The following SH3KBP1 variants were observed in gnomAD, a reference collection of about 807,000 sequenced individuals.
The protein encoded by SH3KBP1 is SH3 domain containing kinase binding protein 1.
SH3KBP1 carries 8 observed loss-of-function variants against 50.1 expected under a neutral mutation model. The ratio of observed to expected loss-of-function variants is 0.16; its 90% CI spans 0.09 to 0.29. SH3KBP1 has a LOEUF of 0.29. Ranked by LOEUF, SH3KBP1 falls within the 10% of genes least tolerant of loss-of-function variation. The pLI, the probability that SH3KBP1 is intolerant of heterozygous loss-of-function variation, is 1.00. For synonymous variants in SH3KBP1, 227 were observed against 218.6 expected (o/e 1.04, Z -0.34); for missense variants, 377 against 535.2 (o/e 0.70, Z 2.92).
At chrX:19,691,386 T>C (rs1178936749) in intron 5 of SH3KBP1, among the ~76,000 whole-genome samples, 1 of 103,052 alleles carries the variant, frequency 9.7e-6, no homozygotes, top group Non-Finnish European at 2.0e-5. Context: ...TGAGATTATA[T>C]ATATATATAT....
At chrX:19,792,273 C>G (rs1395835036) in intron 2 of SH3KBP1, among the ~76,000 whole-genome samples, 2 of 111,436 alleles carry the variant, frequency 1.8e-5, no homozygotes, top group Non-Finnish European at 3.8e-5. Flanking sequence ...TGGTATGGCT[C>G]TATTTGGAAA....
intron 1 of SH3KBP1, among the ~76,000 whole-genome samples, chrX:19,861,509 TTTTA>T (rs1421381076): frequency 3.6e-5 from 4 of 112,061 alleles, no homozygotes; most frequent in Non-Finnish European, 3.8e-5. Flanking sequence ...AAATTATAAA[TTTTA>T]TTTCTCAACA....
At chrX:19,637,340 CTT>C (rs1219148880) in intron 7 of SH3KBP1, among the ~76,000 whole-genome samples, 1 of 112,153 alleles carries the variant, frequency 8.9e-6, no homozygotes, top group Non-Finnish European at 1.9e-5. Flanking sequence ...AGGGTGTGGA[CTT>C]CTATCATGTT....
intron 15 of SH3KBP1, among the ~76,000 whole-genome samples, chrX:19,542,431 C>T (rs1196132188): frequency 8.9e-6 from 1 of 111,769 alleles, no homozygotes; most frequent in African/African-American, 3.3e-5. Context: ...AGAGAGTTTC[C>T]GACTGGTTCA....
At chrX:19,804,487 T>C (rs1353886629) in intron 2 of SH3KBP1, among the ~76,000 whole-genome samples, 1 of 111,331 alleles carries the variant, frequency 9.0e-6, no homozygotes, top group African/African-American at 3.3e-5. Flanking sequence ...AGATAGCTCA[T>C]GTAGTTTTGG....
At chrX:19,671,415 G>C (rs375037369) in intron 6 of SH3KBP1, among the ~76,000 whole-genome samples, 3 of 93,568 alleles carry the variant, frequency 3.2e-5, no homozygotes, top group African/African-American at 1.3e-4. Flanking sequence ...CACACACACA[G>C]AAGAAGGAAA....
At chrX:19,740,810 T>C in intron 3 of SH3KBP1, 1 of 318,717 alleles carries the variant, frequency 3.1e-6, no homozygotes, top group Non-Finnish European at 6.3e-6. Context: ...GCTCACGGCC[T>C]ATCAAGATCC....
chrX:19,727,636 C>A (rs1473837531), intron 3 of SH3KBP1, among the ~76,000 whole-genome samples: 2 of 112,482 alleles, frequency 1.8e-5, no homozygotes, highest in Non-Finnish European at 3.8e-5. Context: ...CCTTGTTGAT[C>A]CCTTTCTATG....
intron 2 of SH3KBP1, among the ~76,000 whole-genome samples, chrX:19,789,292 C>T (rs181990208): frequency 9.0e-6 from 1 of 111,427 alleles, no homozygotes. Context: ...AGAAGCCAGG[C>T]ACTGTGTCCA....
Position 19,683,816 on chromosome X carries a change from A to G in SH3KBP1, c.726+7T>C. On this transcript the variant is annotated splice_region_variant and intron_variant, in intron 6 of 17. Coordinates refer to ENST00000397821, the MANE Select transcript of SH3KBP1 (RefSeq NM_031892.3). ...AGTTGAAATCAAATAGAAACTGTCG[A>G]ACATACCTTTTCTACCGGCAGAAAG... 1 of 1,200,719 alleles carries G rather than the reference A, an allele frequency of 8.3e-7. No homozygotes were observed. Among genetic ancestry groups the G allele is most frequent in the Non-Finnish European group, 1.1e-6 (1 of 885,126 alleles).
chrX:19,548,825 A>AAGAGAGAGAGAGAGAGAGAG (rs61301072), intron 14 of SH3KBP1, among the ~76,000 whole-genome samples: 46 of 102,476 alleles, frequency 4.5e-4, no homozygotes, highest in African/African-American at 1.6e-3. Flanking sequence ...TATGGAAATA[A>AAGAGAGAGAGAGAGAGAGAG]AGAGAGAGAG....
chrX:19,861,245 C>G (rs1251460031), intron 1 of SH3KBP1, among the ~76,000 whole-genome samples: 2 of 109,369 alleles, frequency 1.8e-5, no homozygotes, highest in Non-Finnish European at 3.8e-5. Context: ...GGCGTGGTGG[C>G]AGGCACCTGT....
rs747149939 is a variant in SH3KBP1 at position 19,740,774 on chromosome X, G to C, written c.286+5544C>G. The C allele has an allele frequency of 1.9e-4, 63 of 327,546 alleles. No homozygotes were observed. The highest frequency in any genetic ancestry group is 4.8e-4 in the Admixed American group (15 of 31,048). The allele number at this position is 327,546 out of a possible 1,213,427, so 27.0% of individuals were successfully genotyped here. The stretch of plus-strand genomic sequence containing the variant: ...AAGGACATACTTCTTTCCATCCTTT[G>C]TTAACAGTTTCATTTCTGCCAAAGA... On this transcript the variant is annotated intron_variant, in intron 3 of 17. Coordinates refer to ENST00000397821, the MANE Select transcript of SH3KBP1 (RefSeq NM_031892.3).
At chrX:19,827,072 C>T (rs970808506) in intron 2 of SH3KBP1, among the ~76,000 whole-genome samples, 5 of 111,604 alleles carry the variant, frequency 4.5e-5, no homozygotes, top group Non-Finnish European at 7.5e-5. Context: ...CCACATTCAC[C>T]AACCACTTTA....
intron 15 of SH3KBP1, among the ~76,000 whole-genome samples, chrX:19,543,690 C>G (rs5909123): frequency 9.0e-6 from 1 of 111,501 alleles, no homozygotes; most frequent in Admixed American, 9.5e-5. Context: ...CTTTCCAGGA[C>G]TGGGGAGACC....
intron 8 of SH3KBP1, among the ~76,000 whole-genome samples, chrX:19,611,441 C>T (rs1355430143): frequency 9.0e-6 from 1 of 111,566 alleles, no homozygotes; most frequent in Admixed American, 9.5e-5. Flanking sequence ...GCAACCTCCG[C>T]CTCCCTGGTT....
intron 2 of SH3KBP1, among the ~76,000 whole-genome samples, chrX:19,809,623 G>A (rs1490926699): frequency 2.7e-5 from 3 of 112,524 alleles, no homozygotes; most frequent in Non-Finnish European, 5.6e-5. Context: ...CTTAAAATGT[G>A]CATGTTTATA....
In SH3KBP1 at chrX:19,678,267, C is replaced by CA. The variant is rs2062973207; in HGVS notation, c.726+5555_726+5556insT. ...TAATCTATACAAATAGAGGGATATA[C>CA]CATGTTCATGAATTAGAAAGGTACC... is the stretch of plus-strand genomic sequence containing the variant. On this transcript the variant is annotated intron_variant, in intron 6 of 17. Coordinates refer to ENST00000397821, the MANE Select transcript of SH3KBP1 (RefSeq NM_031892.3). Among the ~76,000 whole-genome samples, 3 of 110,933 alleles carry CA rather than the reference C, an allele frequency of 2.7e-5. No homozygotes were observed. The Admixed American group carries it at 2.9e-4, about 11-fold the overall frequency.
chrX:19,595,615 C>T (rs1263783526), intron 9 of SH3KBP1, among the ~76,000 whole-genome samples: 1 of 108,561 alleles, frequency 9.2e-6, no homozygotes, highest in Non-Finnish European at 1.9e-5. Context: ...GCATATCAGC[C>T]GTGATTTGTT....
Sources: gnomAD v4.1 joint callset for allele counts (sites outside exome capture counted in the v4.1 genomes callset) on GRCh38, gnomAD v4.1.1 for gene constraint, MANE v1.5 for transcripts, NCBI Gene and HGNC (gene_info 2026-07-23, HGNC 2026-07-21) for gene names.